Variants in PHACTR1 observed in about 807,000 individuals in gnomAD.
PHACTR1 encodes the protein phosphatase and actin regulator 1.
A neutral mutation model predicts 69.2 loss-of-function variants in PHACTR1; 16 were observed. The ratio of observed to expected loss-of-function variants is 0.23; its 90% CI spans 0.16 to 0.35. PHACTR1 has a LOEUF of 0.35. PHACTR1 is among the 10% of genes least tolerant of loss of function. The pLI is 1.00. For synonymous variants in PHACTR1, 312 were observed against 284.5 expected, an observed-to-expected ratio of 1.10 and a Z score of -0.97; for missense variants, 510 against 734.7, an observed-to-expected ratio of 0.69 and a Z score of 3.54.
At chr6:12,735,844 A>G (rs1045426091) in intron 3 of PHACTR1, among the ~76,000 whole-genome samples, 7 of 152,168 alleles carry the variant, frequency 4.6e-5, no homozygotes, top group Admixed American at 3.9e-4. Flanking sequence ...TGTATCCCTG[A>G]AGCTGTGCAA....
intron 4 of PHACTR1, among the ~76,000 whole-genome samples, chr6:12,930,488 G>A (rs1788749174): frequency 6.6e-6 from 1 of 152,176 alleles, no homozygotes; most frequent in Admixed American, 6.5e-5. Flanking sequence ...ACAGAATTGT[G>A]TACAGCGTTG....
intron 5 of PHACTR1, among the ~76,000 whole-genome samples, chr6:13,104,055 G>A (rs1252685830): frequency 1.3e-5 from 2 of 152,152 alleles, no homozygotes; most frequent in South Asian, 2.1e-4. Flanking sequence ...CTGCACTCCA[G>A]CCTGGGCAAC....
chr6:13,142,406 G>A (rs1468618654), intron 5 of PHACTR1, among the ~76,000 whole-genome samples: 1 of 152,118 alleles, frequency 6.6e-6, no homozygotes, highest in Non-Finnish European at 1.5e-5. Flanking sequence ...ATCTGGCCGA[G>A]AATCCAATAG....
At chr6:13,195,779 A>AAAG (rs201554952) in intron 7 of PHACTR1, among the ~76,000 whole-genome samples, 102 of 118,512 alleles carry the variant, frequency 8.6e-4, no homozygotes, top group Non-Finnish European at 1.1e-3. Flanking sequence ...AAAAAAAAAA[A>AAAG]AGTTCATTTG....
chr6:13,086,255 G>A (rs1309845971), intron 5 of PHACTR1, among the ~76,000 whole-genome samples: 2 of 152,008 alleles, frequency 1.3e-5, no homozygotes, highest in Admixed American at 1.3e-4. Context: ...CATACTAGTA[G>A]AAATAGAAAA....
intron 4 of PHACTR1, among the ~76,000 whole-genome samples, chr6:12,960,175 A>C (rs951445370): frequency 2.0e-5 from 3 of 152,222 alleles, no homozygotes; most frequent in Non-Finnish European, 4.4e-5. Context: ...AAAATTGGAG[A>C]GTAACATTGC....
chr6:13,160,113 T>C, intron 5 of PHACTR1, 91 bp from the exon 6 acceptor site: 1 of 1,097,502 alleles, frequency 9.1e-7, no homozygotes, highest in South Asian at 1.3e-5. Flanking sequence ...TTCTCGTATG[T>C]TACATTGCCA....
chr6:13,015,607 C>A (rs1384031566), intron 4 of PHACTR1, among the ~76,000 whole-genome samples: 1 of 152,188 alleles, frequency 6.6e-6, no homozygotes, highest in East Asian at 1.9e-4. Context: ...TGGGCTGCTT[C>A]CACAACACTG....
At chr6:12,903,388 A>G (rs1785399686) in intron 4 of PHACTR1, among the ~76,000 whole-genome samples, 1 of 152,252 alleles carries the variant, frequency 6.6e-6, no homozygotes, top group Non-Finnish European at 1.5e-5. Context: ...GTCCAAATGT[A>G]TCATGCACGT....
intron 4 of PHACTR1, among the ~76,000 whole-genome samples, chr6:12,916,006 A>G (rs1786945819): frequency 6.6e-6 from 1 of 152,228 alleles, no homozygotes; most frequent in African/African-American, 2.4e-5. Flanking sequence ...CGAGATGTTA[A>G]TACCAGGCAA....
chr6:12,783,200 T>C (rs911719635), intron 4 of PHACTR1, among the ~76,000 whole-genome samples: 5 of 152,160 alleles, frequency 3.3e-5, no homozygotes, highest in African/African-American at 1.2e-4. Flanking sequence ...TATATTGTCA[T>C]CTCCCTGCAT....
At chr6:13,232,876 C>T (rs1771444697) in intron 10 of PHACTR1, among the ~76,000 whole-genome samples, 1 of 152,186 alleles carries the variant, frequency 6.6e-6, no homozygotes, top group South Asian at 2.1e-4. Context: ...AGCTCCTTCC[C>T]CTCACTTCCC....
intron 4 of PHACTR1, among the ~76,000 whole-genome samples, chr6:12,772,795 T>C (rs1769556528): frequency 6.6e-6 from 1 of 152,248 alleles, no homozygotes; most frequent in Non-Finnish European, 1.5e-5. Context: ...AAGGTCTATG[T>C]TAATTTATAT....
In PHACTR1 at chr6:13,118,106, C is replaced by T. The variant is rs556837939; in HGVS notation, c.416-42098C>T. On this transcript the variant is annotated intron_variant, in intron 5 of 14. Transcript: ENST00000332995. ...GTTTCTACCGATGAATTAAAGCTTC[C>T]GAGAAATATTTTAAACTTTTCTAAA... is the stretch of plus-strand genomic sequence containing the variant. Among the ~76,000 whole-genome samples, 16 of 152,262 alleles carry T rather than the reference C, an allele frequency of 1.1e-4. 1 individual carries two copies. The highest frequency in any genetic ancestry group is 2.4e-4 in the African/African-American group (10 of 41,554).
chr6:12,724,666 C>T (rs1161689593), intron 3 of PHACTR1, among the ~76,000 whole-genome samples: 1 of 152,174 alleles, frequency 6.6e-6, no homozygotes, highest in African/African-American at 2.4e-5. Flanking sequence ...AAGGTAACTT[C>T]CCTGACCAAA....
intron 4 of PHACTR1, among the ~76,000 whole-genome samples, chr6:12,849,333 CTTCGT>C (rs558137608): frequency 2.6e-4 from 40 of 152,312 alleles, no homozygotes; most frequent in African/African-American, 7.7e-4. Context: ...TCAGCCAGAC[CTTCGT>C]TTCCTTGTAT....
At chr6:13,109,220 G>A (rs566430544) in intron 5 of PHACTR1, among the ~76,000 whole-genome samples, 2 of 151,944 alleles carry the variant, frequency 1.3e-5, no homozygotes, top group South Asian at 2.1e-4. Flanking sequence ...TGAGTAAAAG[G>A]TATTTTTTCC....
At chr6:12,915,937 A>G (rs998886141) in intron 4 of PHACTR1, among the ~76,000 whole-genome samples, 1 of 152,146 alleles carries the variant, frequency 6.6e-6, no homozygotes, top group Non-Finnish European at 1.5e-5. Flanking sequence ...TTCCTAAAAT[A>G]ACAAAATTAT....
intron 5 of PHACTR1, among the ~76,000 whole-genome samples, chr6:13,129,917 T>C (rs1032532801): frequency 6.6e-6 from 1 of 152,040 alleles, no homozygotes; most frequent in Non-Finnish European, 1.5e-5. Flanking sequence ...AACACAAGTC[T>C]CAATAAATTT....
Sources: gnomAD v4.1 joint callset for allele counts (sites outside exome capture counted in the v4.1 genomes callset) on GRCh38, gnomAD v4.1.1 for gene constraint, MANE v1.5 for transcripts, NCBI Gene and HGNC (gene_info 2026-07-23, HGNC 2026-07-21) for gene names.